The following LRRC4C variants were observed in gnomAD, a reference collection of about 807,000 sequenced individuals.
LRRC4C encodes the protein leucine-rich repeat-containing protein 4C.
Under a neutral mutation model 33.6 loss-of-function variants are expected in LRRC4C, and 5 were observed. The ratio of observed to expected loss-of-function variants is 0.15; its 90% CI spans 0.08 to 0.31. LRRC4C has a LOEUF of 0.31. Among genes scored for constraint, LRRC4C ranks in the 10% least tolerant of loss-of-function variants. LRRC4C has a pLI of 1.00. For synonymous variants in LRRC4C, 329 were observed against 302.0 expected, an observed-to-expected ratio of 1.09 and a Z score of -0.93; for missense variants, 560 against 796.7, an observed-to-expected ratio of 0.70 and a Z score of 3.58.
At chr11:40,181,815 C>G (rs541826301) in intron 5 of LRRC4C, among the ~76,000 whole-genome samples, 4 of 152,196 alleles carry the variant, frequency 2.6e-5, no homozygotes, top group Non-Finnish European at 1.5e-5. Flanking sequence ...GGAAATGAAG[C>G]TTTGCCCATC....
At chr11:40,882,486 T>C (rs1276848786) in intron 2 of LRRC4C, among the ~76,000 whole-genome samples, 1 of 152,072 alleles carries the variant, frequency 6.6e-6, no homozygotes, top group Non-Finnish European at 1.5e-5. Flanking sequence ...CATTGCTCTT[T>C]CTTTCCAGCC....
intron 4 of LRRC4C, among the ~76,000 whole-genome samples, chr11:40,289,588 A>C (rs1944058489): frequency 6.6e-6 from 1 of 152,176 alleles, no homozygotes; most frequent in African/African-American, 2.4e-5. Flanking sequence ...TGATGAAGTA[A>C]GTTTCCAGCT....
At chr11:40,278,583 T>A (rs751834521) in intron 4 of LRRC4C, among the ~76,000 whole-genome samples, 1 of 152,208 alleles carries the variant, frequency 6.6e-6, no homozygotes, top group Non-Finnish European at 1.5e-5. Flanking sequence ...ATTGCATGAA[T>A]GCAGATGAAG....
At chr11:40,384,164 C>A (rs1949012042) in intron 3 of LRRC4C, among the ~76,000 whole-genome samples, 1 of 151,630 alleles carries the variant, frequency 6.6e-6, no homozygotes, top group African/African-American at 2.4e-5. Context: ...TTCAAGAAAT[C>A]ATTGTATTGT....
chr11:40,576,429 T>A (rs1958196219), intron 3 of LRRC4C, among the ~76,000 whole-genome samples: 2 of 152,206 alleles, frequency 1.3e-5, no homozygotes, highest in African/African-American at 4.8e-5. Flanking sequence ...AGCCTTGTAC[T>A]TTCTCAGGTT....
intron 3 of LRRC4C, among the ~76,000 whole-genome samples, chr11:40,533,120 G>A (rs1420541085): frequency 1.3e-5 from 2 of 152,042 alleles, no homozygotes; most frequent in Non-Finnish European, 2.9e-5. Context: ...TTTGGGTGGG[G>A]ACATAGCAAA....
chr11:41,255,598 G>C (rs1176629960), intron 1 of LRRC4C, among the ~76,000 whole-genome samples: 1 of 151,878 alleles, frequency 6.6e-6, no homozygotes, highest in African/African-American at 2.4e-5. Context: ...CAAATTTGTT[G>C]TTCCAGGAAG....
At chr11:41,097,352 G>A (rs1940874263) in intron 1 of LRRC4C, among the ~76,000 whole-genome samples, 2 of 152,114 alleles carry the variant, frequency 1.3e-5, no homozygotes, top group African/African-American at 4.8e-5. Flanking sequence ...CAATCCAGTA[G>A]GCCCCAAGTA....
intron 1 of LRRC4C, among the ~76,000 whole-genome samples, chr11:41,417,349 G>A (rs1170988820): frequency 1.3e-5 from 2 of 152,032 alleles, no homozygotes; most frequent in Non-Finnish European, 2.9e-5. Flanking sequence ...TAAACTAGTT[G>A]ACCTAAATAA....
At chr11:40,607,276 C>G (rs1960719638) in intron 3 of LRRC4C, among the ~76,000 whole-genome samples, 1 of 152,100 alleles carries the variant, frequency 6.6e-6, no homozygotes, top group African/African-American at 2.4e-5. Context: ...ACATTGGGGT[C>G]CCTGGTGAGG....
intron 1 of LRRC4C, among the ~76,000 whole-genome samples, chr11:41,075,060 T>TTTA (rs1555064938): frequency 7.4e-5 from 6 of 80,582 alleles, no homozygotes; most frequent in African/African-American, 1.4e-4. Flanking sequence ...TTTTTTTTTT[T>TTTA]TTATTATACT....
intron 3 of LRRC4C, among the ~76,000 whole-genome samples, chr11:40,583,265 T>G (rs941583808): frequency 6.6e-6 from 1 of 152,182 alleles, no homozygotes; most frequent in African/African-American, 2.4e-5. Flanking sequence ...ACCTATTTCC[T>G]CTTACTCACT....
intron 1 of LRRC4C, among the ~76,000 whole-genome samples, chr11:41,350,325 T>C (rs1043563647): frequency 1.3e-5 from 2 of 151,868 alleles, no homozygotes; most frequent in African/African-American, 4.8e-5. Context: ...CCTGGCCAAC[T>C]GGGTGAAACC....
intron 6 of LRRC4C, among the ~76,000 whole-genome samples, chr11:40,135,891 G>A (rs1323459484): frequency 6.6e-6 from 1 of 152,128 alleles, no homozygotes; most frequent in African/African-American, 2.4e-5. Flanking sequence ...TGTGTACAAA[G>A]TACAATCCAC....
chr11:40,361,284 TAGAA>T (rs1396423572), intron 3 of LRRC4C, among the ~76,000 whole-genome samples: 1 of 152,086 alleles, frequency 6.6e-6, no homozygotes, highest in African/African-American at 2.4e-5. Flanking sequence ...AGCATTCAGA[TAGAA>T]AGAGAGGAAG....
intron 3 of LRRC4C, among the ~76,000 whole-genome samples, chr11:40,435,007 T>TC (rs1224473020): frequency 6.6e-6 from 1 of 152,046 alleles, no homozygotes; most frequent in Non-Finnish European, 1.5e-5. Flanking sequence ...AACATACTTT[T>TC]CCCCCAAATC....
intron 6 of LRRC4C, among the ~76,000 whole-genome samples, chr11:40,121,424 T>G (rs1855817103): frequency 6.6e-6 from 1 of 152,122 alleles, no homozygotes; most frequent in Non-Finnish European, 1.5e-5. Context: ...CAACAAAAGG[T>G]TTTTTACTTT....
intron 2 of LRRC4C, among the ~76,000 whole-genome samples, chr11:40,859,104 G>T (rs1565142135): frequency 6.6e-6 from 1 of 152,156 alleles, no homozygotes; most frequent in Non-Finnish European, 1.5e-5. Context: ...ATAGAACGTA[G>T]CAAACCACAA....
At chr11:40,569,115 A>G (rs1338509994) in intron 3 of LRRC4C, among the ~76,000 whole-genome samples, 1 of 152,128 alleles carries the variant, frequency 6.6e-6, no homozygotes, top group Non-Finnish European at 1.5e-5. Flanking sequence ...TAAATTTGAG[A>G]TCTACTGATG....
Sources: gnomAD v4.1 joint callset for allele counts (sites outside exome capture counted in the v4.1 genomes callset) on GRCh38, gnomAD v4.1.1 for gene constraint, MANE v1.5 for transcripts, NCBI Gene and HGNC (gene_info 2026-07-23, HGNC 2026-07-21) for gene names.